SCAPER: variants seen among roughly 807,000 people sequenced by gnomAD.
SCAPER encodes the protein S-phase cyclin A associated protein in the ER, also known as S phase cyclin A-associated protein in the endoplasmic reticulum.
A neutral mutation model predicts 182.2 loss-of-function variants in SCAPER; 98 were observed. That is an observed-to-expected ratio of 0.54 (90% CI 0.46 to 0.64). SCAPER has a LOEUF of 0.64. Ranked by LOEUF, SCAPER falls within the 30% of genes least tolerant of loss-of-function variation. SCAPER has a pLI of 0.00. For synonymous variants in SCAPER, 605 were observed against 564.6 expected, an observed-to-expected ratio of 1.07 and a Z score of -1.01; for missense variants, 1,432 against 1,690.0, an observed-to-expected ratio of 0.85 and a Z score of 2.68.
At chr15:76,722,104 A>G (rs1045106675) in intron 17 of SCAPER, among the ~76,000 whole-genome samples, 4 of 152,198 alleles carry the variant, frequency 2.6e-5, no homozygotes, top group Admixed American at 1.3e-4. Context: ...TTGTCCCATC[A>G]ATACCTAATT....
At chr15:76,474,564 T>C (rs994331811) in intron 24 of SCAPER, among the ~76,000 whole-genome samples, 1 of 152,192 alleles carries the variant, frequency 6.6e-6, no homozygotes, top group Admixed American at 6.6e-5. Flanking sequence ...TAGCATCCAT[T>C]TTTTCACCTA....
intron 20 of SCAPER, among the ~76,000 whole-genome samples, chr15:76,693,872 A>G (rs1237666840): frequency 6.8e-6 from 1 of 147,424 alleles, no homozygotes; most frequent in East Asian, 1.9e-4. Context: ...ACAGAGTTTC[A>G]GATGTTCAAG....
intron 22 of SCAPER, among the ~76,000 whole-genome samples, chr15:76,578,639 T>C (rs1403150940): frequency 2.6e-5 from 4 of 152,250 alleles, no homozygotes; most frequent in African/African-American, 7.2e-5. Flanking sequence ...ATAAGAGCCA[T>C]AGTGTTACTG....
At chr15:76,849,272 T>C (rs993403586) in intron 4 of SCAPER, among the ~76,000 whole-genome samples, 1 of 152,206 alleles carries the variant, frequency 6.6e-6, no homozygotes, top group Non-Finnish European at 1.5e-5. Context: ...AAAGCCTCTC[T>C]ACCACTACCT....
chr15:76,892,276 G>C (rs2074208700), intron 1 of SCAPER, among the ~76,000 whole-genome samples: 1 of 152,180 alleles, frequency 6.6e-6, no homozygotes, highest in Non-Finnish European at 1.5e-5. Flanking sequence ...AAGACTTCAT[G>C]ACTAAAACAC....
chr15:76,742,907 T>C (rs2061622999), intron 15 of SCAPER, among the ~76,000 whole-genome samples: 1 of 152,046 alleles, frequency 6.6e-6, no homozygotes, highest in South Asian at 2.1e-4. Flanking sequence ...ACAACAGAAA[T>C]ACATGAGACT....
chr15:76,427,585 C>G (rs1021884660), intron 26 of SCAPER, among the ~76,000 whole-genome samples: 1 of 152,060 alleles, frequency 6.6e-6, no homozygotes, highest in African/African-American at 2.4e-5. Flanking sequence ...GTCACACATG[C>G]TTGTAATCCT....
At chr15:76,857,630 GTATT>G (rs1164656069) in intron 4 of SCAPER, among the ~76,000 whole-genome samples, 175 bp downstream of exon 4, 1 of 152,028 alleles carries the variant, frequency 6.6e-6, no homozygotes, top group African/African-American at 2.4e-5. Context: ...TATCTGTAAA[GTATT>G]TAGTACAAGT....
At chr15:76,884,520 A>G (rs1297552141) in intron 1 of SCAPER, among the ~76,000 whole-genome samples, 1 of 152,232 alleles carries the variant, frequency 6.6e-6, no homozygotes, top group African/African-American at 2.4e-5. Flanking sequence ...AAATTGCTTA[A>G]CAAACAACAA....
At chr15:76,818,397 A>G (rs1032076834) in intron 5 of SCAPER, among the ~76,000 whole-genome samples, 18 of 152,208 alleles carry the variant, frequency 1.2e-4, no homozygotes, top group African/African-American at 3.9e-4. Flanking sequence ...GCAACAATGA[A>G]TTGTTAGATA....
chr15:76,768,362 T>C (rs577504479), intron 10 of SCAPER, among the ~76,000 whole-genome samples: 1 of 152,314 alleles, frequency 6.6e-6, no homozygotes, highest in South Asian at 2.1e-4. Flanking sequence ...CTATACTATT[T>C]GATCACAAAA....
intron 24 of SCAPER, among the ~76,000 whole-genome samples, chr15:76,481,901 A>AT (rs1300649826): frequency 6.6e-6 from 1 of 152,068 alleles, no homozygotes; most frequent in African/African-American, 2.4e-5. Context: ...TTTCCTTACA[A>AT]TTTTGCTGCC....
At chr15:76,872,392 T>G (rs2072788521) in intron 2 of SCAPER, among the ~76,000 whole-genome samples, 1 of 151,940 alleles carries the variant, frequency 6.6e-6, no homozygotes, top group South Asian at 2.1e-4. Flanking sequence ...CAAACATAAG[T>G]ATATCACAGA....
At chr15:76,350,297 T>C (rs533879048) in intron 31 of SCAPER, 2 of 151,998 alleles carry the variant, frequency 1.3e-5, no homozygotes, top group Admixed American at 6.6e-5. Context: ...TTTCTTTTCA[T>C]GATATTGTAA....
At chr15:76,722,953 T>C (rs1426299982) in intron 17 of SCAPER, among the ~76,000 whole-genome samples, 2 of 152,222 alleles carry the variant, frequency 1.3e-5, no homozygotes, top group Admixed American at 1.3e-4. Flanking sequence ...ATCTTAGTTA[T>C]TTCTTGCCTT....
chr15:76,435,264 A>G (rs1206660512), intron 25 of SCAPER, among the ~76,000 whole-genome samples: 1 of 152,216 alleles, frequency 6.6e-6, no homozygotes, highest in Non-Finnish European at 1.5e-5. Context: ...GCATAGTAAT[A>G]GTTATTGTTT....
intron 2 of SCAPER, among the ~76,000 whole-genome samples, chr15:76,880,907 ATGT>A (rs2073491251): frequency 6.6e-6 from 1 of 152,172 alleles, no homozygotes; most frequent in African/African-American, 2.4e-5. Flanking sequence ...AAAATAAAAA[ATGT>A]TGGTGAGGAT....
At chr15:76,781,421 C>A (rs144883173) in intron 8 of SCAPER, among the ~76,000 whole-genome samples, 1 of 152,076 alleles carries the variant, frequency 6.6e-6, no homozygotes, top group Non-Finnish European at 1.5e-5. Flanking sequence ...GACTGGTGTA[C>A]GTGAAAGAGA....
At chr15:76,525,154 T>G (rs1277517146) in intron 23 of SCAPER, among the ~76,000 whole-genome samples, 1 of 152,126 alleles carries the variant, frequency 6.6e-6, no homozygotes, top group East Asian at 1.9e-4. Context: ...GATTTTGAAT[T>G]CTTGGTCTAA....
Sources: gnomAD v4.1 joint callset for allele counts (sites outside exome capture counted in the v4.1 genomes callset) on GRCh38, gnomAD v4.1.1 for gene constraint, MANE v1.5 for transcripts, NCBI Gene and HGNC (gene_info 2026-07-23, HGNC 2026-07-21) for gene names.